KALRN: variants seen among roughly 807,000 people sequenced by gnomAD.
KALRN encodes the protein kalirin RhoGEF kinase, also known as kalirin.
In KALRN, 70 loss-of-function variants were observed where a neutral mutation model predicts 353.7. That is an observed-to-expected ratio of 0.20 (90% confidence interval 0.16 to 0.24). The LOEUF is 0.24. KALRN is among the 10% of genes least tolerant of loss of function. The probability of loss-of-function intolerance (pLI) is 1.00; values close to 1 mark genes in which losing one functional copy is unlikely to be tolerated. For synonymous variants in KALRN, 1,391 were observed against 1,434.8 expected (o/e 0.97, Z 0.69); for missense variants, 2,791 against 3,756.7 (o/e 0.74, Z 6.72).
chr3:124,063,460 A>G (rs1417838558), intron 1 of KALRN, among the ~76,000 whole-genome samples: 1 of 152,100 alleles, frequency 6.6e-6, no homozygotes, highest in Non-Finnish European at 1.5e-5. Flanking sequence ...AGTGCTTACA[A>G]GGTAGTGCCT....
chr3:124,403,140 C>T (rs888479151), intron 13 of KALRN, among the ~76,000 whole-genome samples: 9 of 152,212 alleles, frequency 5.9e-5, no homozygotes, highest in African/African-American at 1.7e-4. Flanking sequence ...CCCCCTTCCC[C>T]GAGGAGCTCT....
intron 1 of KALRN, among the ~76,000 whole-genome samples, chr3:124,092,957 T>G (rs1333521646): frequency 6.6e-6 from 1 of 152,198 alleles, no homozygotes; most frequent in Non-Finnish European, 1.5e-5. Context: ...CATTCTTGTG[T>G]TAACTACACA....
In KALRN at chr3:124,501,739, G is replaced by A. The variant is rs575284773; in HGVS notation, c.4935+5326G>A. Among the ~76,000 whole-genome samples, 8 of 152,074 alleles carry A rather than the reference G, an allele frequency of 5.3e-5. No individual in the cohort carries two copies. The South Asian group carries it at 8.3e-4, about 16-fold the overall frequency. On this transcript the variant is annotated intron_variant, in intron 33 of 59. Transcript: ENST00000682506. ...GGAACCACTCCCTGCACCAGGGGAC[G>A]CCTAGCCCCTGTGTTGGCATATTCC...
intron 12 of KALRN, among the ~76,000 whole-genome samples, chr3:124,396,216 G>T (rs1248664449): frequency 6.6e-6 from 1 of 152,048 alleles, no homozygotes; most frequent in Non-Finnish European, 1.5e-5. Flanking sequence ...CAAGTCCCAG[G>T]CTATCCCTAG....
intron 5 of KALRN, among the ~76,000 whole-genome samples, chr3:124,281,408 G>A (rs535864449): frequency 2.0e-5 from 3 of 152,280 alleles, no homozygotes; most frequent in Non-Finnish European, 2.9e-5. Context: ...TGGCAAGAGG[G>A]GGTACAAACA....
intron 29 of KALRN, 77 bp from the exon 30 acceptor site, chr3:124,490,617 C>T (rs2063053756): frequency 2.9e-6 from 4 of 1,396,238 alleles, no homozygotes; most frequent in African/African-American, 1.4e-5. Flanking sequence ...AGGCCTTTCT[C>T]CAAGAGGGGG....
At chr3:124,647,376 C>G (rs141184640) in intron 37 of KALRN, among the ~76,000 whole-genome samples, 1 of 152,342 alleles carries the variant, frequency 6.6e-6, no homozygotes, top group Non-Finnish European at 1.5e-5. Flanking sequence ...ACTCTGTACT[C>G]TGCCCACACC....
intron 37 of KALRN, among the ~76,000 whole-genome samples, chr3:124,647,253 A>G (rs759395099): frequency 2.6e-5 from 4 of 151,906 alleles, no homozygotes; most frequent in Non-Finnish European, 4.4e-5. Context: ...TTATGATCTG[A>G]TCCCTGCAAA....
At chr3:124,505,096 TACAG>T in intron 33 of KALRN, 1 of 396,368 alleles carries the variant, frequency 2.5e-6, no homozygotes, top group East Asian at 7.3e-5. Context: ...GAGTGTTCTG[TACAG>T]ACCTTTTGAT....
At chr3:124,286,755 T>C (rs1203753881) in intron 5 of KALRN, among the ~76,000 whole-genome samples, 1 of 152,198 alleles carries the variant, frequency 6.6e-6, no homozygotes, top group Admixed American at 6.5e-5. Context: ...CTTCCCCCCA[T>C]TTTTTTAAGA....
rs71323878 is a variant in KALRN, at chr3:124,650,790, G to A, written c.5665-18G>A. The A allele has an allele frequency of 0.15, 228,285 of 1,554,600 alleles. 18,823 individuals are homozygous for A. The highest frequency in any genetic ancestry group is 0.38 in the East Asian group (16,426 of 43,156). ...TTTCAAAGTACACTTCTCTAAGCCT[G>A]TTTTTCTCTCTTTTCAGAGTCTAGA... On this transcript the variant is annotated intron_variant, in intron 37 of 59. Transcript: ENST00000682506.
intron 4 of KALRN, among the ~76,000 whole-genome samples, chr3:124,266,311 G>A (rs1487198364): frequency 6.6e-6 from 1 of 152,132 alleles, no homozygotes; most frequent in Non-Finnish European, 1.5e-5. Context: ...AACTGAGATT[G>A]AAGATGTTAG....
At chr3:124,396,869 A>G (rs1370913603) in intron 12 of KALRN, among the ~76,000 whole-genome samples, 1 of 152,232 alleles carries the variant, frequency 6.6e-6, no homozygotes, top group Non-Finnish European at 1.5e-5. Flanking sequence ...TCATTATGCC[A>G]GTAACCTGAC....
At chr3:124,108,708 T>G (rs2062554419) in intron 1 of KALRN, among the ~76,000 whole-genome samples, 1 of 152,248 alleles carries the variant, frequency 6.6e-6, no homozygotes. Context: ...ATCACAGCTC[T>G]CTACTGAACC....
rs2084216511 is a variant in KALRN, at chr3:124,657,506, A to G, written c.5921A>G (p.Lys1974Arg). ...GVPEDMRGKD[K>R]IVFGNIHQIY... ...CCTGAGGATATGCGAGGAAAGGACA[A>G]AATCGTGTTTGGAAATATTCATCAG... is the stretch of plus-strand genomic sequence containing the variant. The change falls in exon 40 of 60, where the codon AAA (lysine) becomes AGA (arginine). Residue 1974 changes from lysine to arginine, a missense_variant. Physicochemically the swap from Lys to Arg is conservative, Grantham distance 26. Around this residue, in one of 11 missense-constraint regions of KALRN, gnomAD observed 1,065 missense variants for 1,156.4 expected, o/e 0.92. Transcript: ENST00000682506. 6.2e-7 allele frequency: 1 copy of G among 1,614,010 alleles called. No individual in the cohort carries two copies. The highest frequency in any genetic ancestry group is 1.3e-5 in the African/African-American group (1 of 74,928).
intron 34 of KALRN, among the ~76,000 whole-genome samples, chr3:124,568,636 A>G (rs528591530): frequency 1.1e-3 from 161 of 152,352 alleles, no homozygotes; most frequent in African/African-American, 3.8e-3. Context: ...GAATATATAC[A>G]TACAATGGGA....
At chr3:124,117,366 A>G (rs902919207) in intron 1 of KALRN, among the ~76,000 whole-genome samples, 4 of 151,986 alleles carry the variant, frequency 2.6e-5, no homozygotes, top group Admixed American at 6.5e-5. Flanking sequence ...GAGAATCAGC[A>G]AATTATTTTA....
intron 6 of KALRN, among the ~76,000 whole-genome samples, chr3:124,311,459 CA>C (rs71145447): frequency 3.8e-4 from 50 of 131,378 alleles, no homozygotes; most frequent in Admixed American, 3.8e-4. Flanking sequence ...AGCAAGACTC[CA>C]AAAAAAAAAA....
intron 10 of KALRN, among the ~76,000 whole-genome samples, chr3:124,353,105 T>C (rs374730872): frequency 1.4e-4 from 21 of 152,216 alleles, no homozygotes; most frequent in African/African-American, 4.8e-4. Flanking sequence ...TGATGACAAA[T>C]GTTCTGAACT....
Sources: gnomAD v4.1 joint callset for allele counts (sites outside exome capture counted in the v4.1 genomes callset) on GRCh38, gnomAD v4.1.1 for gene constraint, gnomAD v4.1.1 regional missense constraint, MANE v1.5 for transcripts, NCBI Gene and HGNC (gene_info 2026-07-23, HGNC 2026-07-21) for gene names.